CDKL2: variants seen among roughly 807,000 people sequenced by gnomAD.
The protein encoded by CDKL2 is cyclin dependent kinase like 2.
In CDKL2, 64 loss-of-function variants were observed where a neutral mutation model predicts 63.9. That is an observed-to-expected ratio of 1.00 (90% CI 0.82 to 1.23). The LOEUF is 1.23. Ranked by LOEUF, CDKL2 falls within the 50% of genes most tolerant of loss-of-function variation. The pLI is 0.00. For missense variants in CDKL2, 656 were observed against 668.0 expected, an observed-to-expected ratio of 0.98 and a Z score of 0.20; for synonymous variants, 211 against 229.2, an observed-to-expected ratio of 0.92 and a Z score of 0.72.
At position 75,628,219 on chromosome 4, in the gene CDKL2, CATTCTCCT is replaced by C. The variant is rs1306936644; in HGVS notation, c.-30+1815_-30+1822del. On this transcript the variant is annotated intron_variant, in intron 1 of 13. Coordinates refer to ENST00000307465, the MANE Select transcript of CDKL2 (RefSeq NM_001330724.2). ...CAAACTCCGCCTCCCGGGTCCACGC[CATTCTCCT>C]GCCTCAACCTCTCGAGTAGCTGGGA... 2.6e-5 allele frequency among the ~76,000 whole-genome samples: 4 copies of C among 151,750 alleles called. No individual in the cohort carries two copies. In the East Asian group the frequency reaches 7.8e-4, roughly 30 times the overall value.
rs1728730225 is a variant in CDKL2, at chr4:75,591,903, C to G, written c.1563G>C (p.Lys521Asn). The part of the protein sequence containing the change: ...GGIARNSRLT[K>N]KESKILSESR... ...ATTCTGAAAGAATTTTGCTCTCTTT[C>G]TTTGTTAGCCTGGAATTTCGAGCTA... The change falls in exon 12 of 14, where the codon AAG (lysine) becomes AAC (asparagine). Residue 521 changes from lysine (K) to asparagine (N), a missense_variant. Transcript: ENST00000307465. The G allele has an allele frequency of 5.2e-6, 8 of 1,535,800 alleles. No individual in the cohort carries two copies. In the East Asian group the frequency reaches 1.7e-4, roughly 33 times the overall value.
At chr4:75,625,419 C>A (rs1730354779) in intron 2 of CDKL2, among the ~76,000 whole-genome samples, 2 of 151,824 alleles carry the variant, frequency 1.3e-5, no homozygotes. Flanking sequence ...GGATACATAC[C>A]AAGCTGTTCC....
In CDKL2 at chr4:75,618,113, A is replaced by AAG. The variant is rs1343140776; in HGVS notation, c.169-3665_169-3664insCT. Reference sequence around the variant, plus strand: ...GAGACTCTGTCTCAAAAAAAAAAAAAAAAAAAGCACAGACTATCAGCTCCA... The same window carrying AAG: ...GAGACTCTGTCTCAAAAAAAAAAAAAAGAAAAAAGCACAGACTATCAGCTCCA... On this transcript the variant is annotated intron_variant, in intron 2 of 13. Transcript: ENST00000307465. 3.3e-5 allele frequency among the ~76,000 whole-genome samples: 5 copies of AAG among 151,070 alleles called. No individual in the cohort carries two copies. The East Asian group carries it at 5.8e-4, about 18-fold the overall frequency.
At position 75,581,809 on chromosome 4, in the gene CDKL2, C is replaced by G; in HGVS notation, c.*23+1G>C. Reference sequence around the variant, plus strand: ...CTTTAAGTATGGGAAATCACACCTACCCAGTTCAGAACCAAAATGGTTCTC... The same window carrying G: ...CTTTAAGTATGGGAAATCACACCTAGCCAGTTCAGAACCAAAATGGTTCTC... On this transcript the variant is annotated splice_donor_variant, in intron 13 of 13. Transcript: ENST00000307465. LOFTEE classifies it low-confidence loss of function (3UTR_SPLICE). 1.9e-6 allele frequency: 3 copies of G among 1,563,146 alleles called. No individual in the cohort carries two copies. The highest frequency in any genetic ancestry group is 2.6e-6 in the Non-Finnish European group (3 of 1,135,262).
At chr4:75,603,315 A>C (rs567563860) in intron 6 of CDKL2, among the ~76,000 whole-genome samples, 2 of 151,690 alleles carry the variant, frequency 1.3e-5, no homozygotes, top group Non-Finnish European at 2.9e-5. Flanking sequence ...ATGGTTTCTT[A>C]ATGAGTGTTA....
At chr4:75,596,766 C>T (rs112312793) in intron 9 of CDKL2, among the ~76,000 whole-genome samples, 169 bp downstream of exon 9, 73 of 152,308 alleles carry the variant, frequency 4.8e-4, no homozygotes, top group African/African-American at 1.6e-3. Context: ...TGATCAAATG[C>T]TAATAATCTT....
rs1001103158 is a variant in CDKL2 at position 75,577,409 on chromosome 4, T to C, written c.*1793A>G. Among the ~76,000 whole-genome samples, 1 of 152,172 alleles carries C rather than the reference T, an allele frequency of 6.6e-6. No individual in the cohort carries two copies. Among genetic ancestry groups the C allele is most frequent in the African/African-American group, 2.4e-5 (1 of 41,450 alleles). On this transcript the variant is annotated 3_prime_UTR_variant, in exon 14 of 14. Transcript: ENST00000307465. The stretch of plus-strand genomic sequence containing the variant: ...TGATCCTCAAGTCATAACTTGGACT[T>C]ATGGTAAATATTTTTTAGTTCCTTA...
chr4:75,603,817 C>T lies in CDKL2; in HGVS notation c.795G>A (p.Lys265=). 6.3e-7 allele frequency: 1 copy of T among 1,585,900 alleles called. No homozygotes were observed. The highest frequency in any genetic ancestry group is 8.6e-7 in the Non-Finnish European group (1 of 1,168,170). ...KLSEVVIDLA[K]KCLHIDPDKR... is the part of the protein sequence containing the mutation. ...AAGTGTAAACAATAAGTATGATTAC[C>T]TTTGCTAAATCTATCACCACTTCAG... The change falls in exon 6 of 14, where the codon AAG becomes AAA. Residue 265 remains lysine, a splice_region_variant and synonymous_variant. Coordinates refer to ENST00000307465, the MANE Select transcript of CDKL2 (RefSeq NM_001330724.2).
In CDKL2 at chr4:75,617,256, T is replaced by C. The variant is rs75384508; in HGVS notation, c.169-2807A>G. Among the ~76,000 whole-genome samples the C allele has an allele frequency of 6.0e-3, 912 of 152,118 alleles. 13 individuals are homozygous for C. Among genetic ancestry groups the C allele is most frequent in the African/African-American group, 0.019 (772 of 41,500 alleles). ...TTCCCTTAAAACAGACATTTTACAA[T>C]GTAAAAGAAGCGTTGCCAAGAAAAA... On this transcript the variant is annotated intron_variant, in intron 2 of 13. Coordinates refer to ENST00000307465, the MANE Select transcript of CDKL2 (RefSeq NM_001330724.2).
intron 12 of CDKL2, 120 bp from the exon 13 acceptor site, chr4:75,582,018 G>C (rs963607170): frequency 7.5e-6 from 5 of 664,282 alleles, no homozygotes; most frequent in African/African-American, 3.6e-5. Flanking sequence ...CATAGCTCAA[G>C]TTGCCTACAT....
intron 12 of CDKL2, among the ~76,000 whole-genome samples, chr4:75,589,360 A>T (rs1355677327): frequency 7.7e-6 from 1 of 129,554 alleles, no homozygotes; most frequent in Admixed American, 9.5e-5. Flanking sequence ...GCTGGAGTGC[A>T]GTGGCGGGAT....
At chr4:75,588,592 G>C (rs1452005228) in intron 12 of CDKL2, among the ~76,000 whole-genome samples, 1 of 152,126 alleles carries the variant, frequency 6.6e-6, no homozygotes, top group African/African-American at 2.4e-5. Flanking sequence ...TTCACAATTA[G>C]AGGTATCTTT....
At chr4:75,586,773 G>A (rs918681312) in intron 12 of CDKL2, among the ~76,000 whole-genome samples, 1 of 152,134 alleles carries the variant, frequency 6.6e-6, no homozygotes, top group Admixed American at 6.5e-5. Flanking sequence ...AGTAAGCATA[G>A]AAATGAAAAT....
At position 75,610,705 on chromosome 4, in the gene CDKL2, T is replaced by C. The variant is rs72647501; in HGVS notation, c.364-3344A>G. Among the ~76,000 whole-genome samples the C allele has an allele frequency of 3.3e-5, 5 of 152,274 alleles. No individual in the cohort carries two copies. In the East Asian group the frequency reaches 9.6e-4, roughly 29 times the overall value. ...AAGGATTAAAATCATATTTATATTT[T>C]AAAAAATTCAAGTGCTCACATATAT... is the stretch of plus-strand genomic sequence containing the variant. On this transcript the variant is annotated intron_variant, in intron 3 of 13. Transcript: ENST00000307465.
rs907133992 is a variant in CDKL2 at position 75,580,985 on chromosome 4, C to A, written c.*23+825G>T. 3.3e-5 allele frequency among the ~76,000 whole-genome samples: 5 copies of A among 152,130 alleles called. No individual in the cohort carries two copies. In the South Asian group the frequency reaches 1.0e-3, roughly 32 times the overall value. On this transcript the variant is annotated intron_variant, in intron 13 of 13. Coordinates refer to ENST00000307465, the MANE Select transcript of CDKL2 (RefSeq NM_001330724.2). ...AAAGTGCTGGGATTACAGGCGTGAG[C>A]CACCGCGCCCAGCCTTGGCTTTTTT...
intron 2 of CDKL2, among the ~76,000 whole-genome samples, chr4:75,619,225 A>AG (rs1464119227): frequency 6.6e-6 from 1 of 152,176 alleles, no homozygotes; most frequent in Non-Finnish European, 1.5e-5. Context: ...TAATTACTAA[A>AG]GGGGGTAAAA....
chr4:75,626,564 G>T (rs1192675990), intron 1 of CDKL2, among the ~76,000 whole-genome samples: 2 of 152,014 alleles, frequency 1.3e-5, no homozygotes, highest in Non-Finnish European at 2.9e-5. Context: ...CTACTCGGGA[G>T]GCTGAGGCAG....
intron 12 of CDKL2, among the ~76,000 whole-genome samples, chr4:75,583,811 C>CA (rs1270754119): frequency 4.0e-5 from 6 of 151,504 alleles, no homozygotes; most frequent in African/African-American, 1.5e-4. Flanking sequence ...ATTCCTCGAG[C>CA]AATCACTAAA....
intron 10 of CDKL2, among the ~76,000 whole-genome samples, chr4:75,593,454 A>G (rs1182571306): frequency 6.6e-6 from 1 of 152,112 alleles, no homozygotes. Context: ...TTCGTTAAGG[A>G]AAGACTCCAC....
Sources: allele counts gnomAD v4.1 joint callset (sites outside exome capture counted in the v4.1 genomes callset), GRCh38; gene constraint gnomAD v4.1.1; transcripts MANE v1.5; gene names NCBI Gene and HGNC (gene_info 2026-07-23, HGNC 2026-07-21).